Variants in COL28A1 observed in about 807,000 individuals in gnomAD.
COL28A1 encodes collagen alpha-1(XXVIII) chain.
In COL28A1, 161 loss-of-function variants were observed where a neutral mutation model predicts 150.2. The observed-to-expected ratio is 1.07, with a 90% confidence interval of 0.94 to 1.22. The LOEUF is 1.22. Among genes scored for constraint, COL28A1 ranks in the 50% most tolerant of loss-of-function variants. The probability of loss-of-function intolerance (pLI) is 0.00; values close to 1 mark genes in which losing one functional copy is unlikely to be tolerated. For synonymous variants in COL28A1, 552 were observed against 469.7 expected, an observed-to-expected ratio of 1.18 and a Z score of -2.26; for missense variants, 1,617 against 1,388.3, an observed-to-expected ratio of 1.16 and a Z score of -2.62.
At chr7:7,425,432 C>G (rs1156970609) in intron 25 of COL28A1, among the ~76,000 whole-genome samples, 1 of 152,198 alleles carries the variant, frequency 6.6e-6, no homozygotes, top group Non-Finnish European at 1.5e-5. Flanking sequence ...GAAGAACATC[C>G]TGGATTATAA....
intron 11 of COL28A1, among the ~76,000 whole-genome samples, chr7:7,503,835 C>G (rs1427572578): frequency 6.6e-6 from 1 of 152,130 alleles, no homozygotes; most frequent in South Asian, 2.1e-4. Context: ...GGAACTCATG[C>G]CCACTTCATA....
chr7:7,482,444 G>A (rs1562795000), intron 13 of COL28A1, among the ~76,000 whole-genome samples: 1 of 151,580 alleles, frequency 6.6e-6, no homozygotes, highest in African/African-American at 2.4e-5. Flanking sequence ...AGAATCGCTT[G>A]AAGCCGGGAG....
chr7:7,478,960 C>G (rs1236057448), intron 13 of COL28A1, among the ~76,000 whole-genome samples: 1 of 152,240 alleles, frequency 6.6e-6, no homozygotes, highest in East Asian at 1.9e-4. Flanking sequence ...GCCGGCTCAG[C>G]CCTCGGCCAT....
At chr7:7,501,910 T>A (rs143756192) in intron 11 of COL28A1, among the ~76,000 whole-genome samples, 147 of 152,280 alleles carry the variant, frequency 9.7e-4, no homozygotes, top group Non-Finnish European at 1.9e-3. Context: ...GTTTTTTTTC[T>A]TTTGAGACAG....
rs1431941798 is a variant in COL28A1 at position 7,520,767 on chromosome 7, G to A, written c.760-652C>T. Reference sequence around the variant, plus strand: ...TGTGACTAAAATTGTCAGGTGCTTAGCAATTGTGAGCTTTCTTATTGCTCA... The same window carrying A: ...TGTGACTAAAATTGTCAGGTGCTTAACAATTGTGAGCTTTCTTATTGCTCA... On this transcript the variant is annotated intron_variant, in intron 5 of 34. Coordinates refer to ENST00000399429, the MANE Select transcript of COL28A1 (RefSeq NM_001037763.3). Among the ~76,000 whole-genome samples, 17 of 152,150 alleles carry A rather than the reference G, an allele frequency of 1.1e-4. 1 individual carries two copies. Among genetic ancestry groups the A allele is most frequent in the Admixed American group, 1.1e-3 (17 of 15,286 alleles).
At chr7:7,461,835 C>T (rs1160472157) in intron 15 of COL28A1, among the ~76,000 whole-genome samples, 2 of 152,172 alleles carry the variant, frequency 1.3e-5, no homozygotes, top group African/African-American at 2.4e-5. Context: ...AGGGCATATA[C>T]TCATGGGAGT....
rs189783498 is a variant in COL28A1 at position 7,479,973 on chromosome 7, A to G, written c.1165-2793T>C. ...CTTTTCCTCTGATGAATCTAAACAA[A>G]TAATTAGGCTTCACTTGCCAGAGAA... On this transcript the variant is annotated intron_variant, in intron 13 of 34. Coordinates refer to ENST00000399429, the MANE Select transcript of COL28A1 (RefSeq NM_001037763.3). Among the ~76,000 whole-genome samples, 255 of 152,338 alleles carry G rather than the reference A, an allele frequency of 1.7e-3. 1 individual carries two copies. Among genetic ancestry groups the G allele is most frequent in the African/African-American group, 5.8e-3 (241 of 41,576 alleles).
intron 33 of COL28A1, among the ~76,000 whole-genome samples, chr7:7,361,108 T>C (rs1780629826): frequency 4.1e-5 from 2 of 48,304 alleles, no homozygotes; most frequent in East Asian, 2.1e-3. Flanking sequence ...GCAGACACCT[T>C]TGCCTGCTCT....
intron 27 of COL28A1, among the ~76,000 whole-genome samples, chr7:7,401,787 A>T (rs1389472622): frequency 6.6e-6 from 1 of 152,186 alleles, no homozygotes; most frequent in Non-Finnish European, 1.5e-5. Flanking sequence ...AATCATGATT[A>T]ATATCAGGTC....
chr7:7,522,726 C>T (rs1054608899), intron 4 of COL28A1, among the ~76,000 whole-genome samples: 5 of 147,116 alleles, frequency 3.4e-5, no homozygotes, highest in Non-Finnish European at 7.4e-5. Flanking sequence ...AATCTTTTGG[C>T]TTCCCTGGGC....
At chr7:7,518,641 A>C (rs183332493) in intron 6 of COL28A1, among the ~76,000 whole-genome samples, 18 of 152,336 alleles carry the variant, frequency 1.2e-4, no homozygotes, top group Admixed American at 1.1e-3. Context: ...ACCTGCAATG[A>C]AAAGCAAACC....
intron 27 of COL28A1, among the ~76,000 whole-genome samples, chr7:7,386,836 G>C (rs1321336046): frequency 6.6e-6 from 1 of 152,170 alleles, no homozygotes; most frequent in Non-Finnish European, 1.5e-5. Flanking sequence ...AAATACCATA[G>C]ACTGGGTGGC....
intron 8 of COL28A1, among the ~76,000 whole-genome samples, chr7:7,511,483 G>C (rs76716082): frequency 0.08 from 12,244 of 152,250 alleles, 674 homozygotes; most frequent in Middle Eastern, 0.12. Flanking sequence ...ACGGTCCAGG[G>C]AGATCAGCTT....
chr7:7,526,139 T>G (rs1782011556), intron 3 of COL28A1, among the ~76,000 whole-genome samples: 1 of 152,266 alleles, frequency 6.6e-6, no homozygotes, highest in Non-Finnish European at 1.5e-5. Context: ...AAGATGGACC[T>G]GCTTTATCAC....
At chr7:7,410,441 T>C (rs976514571) in intron 27 of COL28A1, among the ~76,000 whole-genome samples, 3 of 152,186 alleles carry the variant, frequency 2.0e-5, no homozygotes, top group African/African-American at 7.2e-5. Flanking sequence ...CTCCTTTTTA[T>C]GAAGTGGAGT....
chr7:7,346,864 A>G, the COL28A1 span, among the ~76,000 whole-genome samples: 2 of 152,082 alleles, frequency 1.3e-5, no homozygotes, highest in Admixed American at 1.3e-4. Flanking sequence ...AACTTTCCAA[A>G]TTGTTATGCC....
chr7:7,482,689 A>C (rs1779404935), intron 13 of COL28A1, among the ~76,000 whole-genome samples: 1 of 152,192 alleles, frequency 6.6e-6, no homozygotes, highest in South Asian at 2.1e-4. Flanking sequence ...AGCAAGCAAG[A>C]ATTTCATGTT....
chr7:7,457,666 T>G (rs770512198), intron 15 of COL28A1, among the ~76,000 whole-genome samples: 3 of 152,140 alleles, frequency 2.0e-5, no homozygotes, highest in Non-Finnish European at 4.4e-5. Context: ...ACTGAGCCCT[T>G]TAAGCACTCC....
At chr7:7,513,240 C>G (rs1246624635) in intron 8 of COL28A1, among the ~76,000 whole-genome samples, 1 of 152,200 alleles carries the variant, frequency 6.6e-6, no homozygotes, top group Non-Finnish European at 1.5e-5. Flanking sequence ...ATATACATAT[C>G]TCCACTCACA....
Sources: allele counts gnomAD v4.1 joint callset (sites outside exome capture counted in the v4.1 genomes callset), GRCh38; gene constraint gnomAD v4.1.1; transcripts MANE v1.5; gene names NCBI Gene and HGNC (gene_info 2026-07-23, HGNC 2026-07-21).